Variants in NCOA1 observed in about 807,000 individuals in gnomAD.
NCOA1 encodes the protein Hin-2 protein.
NCOA1 carries 35 observed loss-of-function variants against 150.9 expected under a neutral mutation model. That is an observed-to-expected ratio of 0.23 (90% CI 0.18 to 0.31). The LOEUF (loss-of-function observed/expected upper bound fraction) is 0.31, where lower values mean the gene tolerates loss of function less well. NCOA1 is among the 10% of genes least tolerant of loss of function. NCOA1 has a pLI of 1.00. For missense variants in NCOA1, 1,491 were observed against 1,749.3 expected (o/e 0.85, Z 2.63); for synonymous variants, 590 against 630.0 (o/e 0.94, Z 0.95).
At chr2:24,527,572 A>G (rs968305055) in intron 1 of NCOA1, among the ~76,000 whole-genome samples, 1 of 152,284 alleles carries the variant, frequency 6.6e-6, no homozygotes, top group East Asian at 1.9e-4. Context: ...TGATTAATGG[A>G]CGACTAGTTT....
rs763384268 is a variant in NCOA1, at chr2:24,729,576, C to T, written c.2962C>T (p.Pro988Ser). ...ATPPLIMEER[P>S]NLYSQPYSSP... ...GCCACCTTTGATCATGGAAGAAAGA[C>T]CCAACCTTTATTCCCAGCCTTACTC... Residue 988 changes from proline to serine, a missense_variant, in exon 17 of 23, where the codon CCC becomes TCC. Transcript: ENST00000348332. 5.6e-6 allele frequency: 9 copies of T among 1,614,002 alleles called. No homozygotes were observed. Among genetic ancestry groups the T allele is most frequent in the Non-Finnish European group, 7.6e-6 (9 of 1,179,950 alleles).
chr2:24,588,984 C>T (rs1667530855), intron 3 of NCOA1, among the ~76,000 whole-genome samples: 1 of 152,178 alleles, frequency 6.6e-6, no homozygotes, highest in Non-Finnish European at 1.5e-5. Context: ...TTACTCCCAT[C>T]TGGTAAACTG....
At chr2:24,705,760 T>C (rs2148591595) in intron 12 of NCOA1, among the ~76,000 whole-genome samples, 1 of 152,318 alleles carries the variant, frequency 6.6e-6, no homozygotes, top group East Asian at 1.9e-4. Flanking sequence ...TATGAATTAT[T>C]AGAAATCCTA....
At chr2:24,768,144 C>G in intron 22 of NCOA1, 77 bp from the exon 23 acceptor site, 1 of 1,613,928 alleles carries the variant, frequency 6.2e-7, no homozygotes, top group Non-Finnish European at 8.5e-7. Flanking sequence ...TAGTGAGTTT[C>G]CACTTCAAGT....
chr2:24,602,095 AC>A (rs1346236786), intron 3 of NCOA1, among the ~76,000 whole-genome samples: 1 of 152,160 alleles, frequency 6.6e-6, no homozygotes, highest in Non-Finnish European at 1.5e-5. Flanking sequence ...TTTAGGAAGA[AC>A]CCTGGAACTT....
At chr2:24,517,621 A>G (rs188021721) in intron 1 of NCOA1, among the ~76,000 whole-genome samples, 42 of 152,308 alleles carry the variant, frequency 2.8e-4, no homozygotes, top group East Asian at 1.5e-3. Flanking sequence ...GGCTCAAACA[A>G]TTAGAACTAG....
chr2:24,646,598 A>G (rs745872561), intron 4 of NCOA1, among the ~76,000 whole-genome samples: 4 of 151,816 alleles, frequency 2.6e-5, no homozygotes, highest in African/African-American at 4.8e-5. Flanking sequence ...CAGGTCAGCT[A>G]TTTTGTACAA....
At chr2:24,576,137 T>C (rs1330517076) in intron 2 of NCOA1, among the ~76,000 whole-genome samples, 4 of 146,840 alleles carry the variant, frequency 2.7e-5, no homozygotes, top group Non-Finnish European at 4.5e-5. Flanking sequence ...TTTCAGAAAT[T>C]ATTTGGCCTT....
intron 17 of NCOA1, among the ~76,000 whole-genome samples, chr2:24,737,543 C>T (rs190521891): frequency 1.5e-4 from 23 of 152,240 alleles, no homozygotes; most frequent in African/African-American, 5.5e-4. Flanking sequence ...TGTATTTTTA[C>T]CTGGCCTCAT....
At chr2:24,659,650 C>T (rs1572554477) in intron 5 of NCOA1, among the ~76,000 whole-genome samples, 1 of 152,158 alleles carries the variant, frequency 6.6e-6, no homozygotes, top group African/African-American at 2.4e-5. Context: ...CTGAGAGCAG[C>T]TTCCTAGAAT....
At chr2:24,571,474 C>G (rs1666742562) in intron 2 of NCOA1, among the ~76,000 whole-genome samples, 1 of 152,120 alleles carries the variant, frequency 6.6e-6, no homozygotes, top group African/African-American at 2.4e-5. Context: ...CCATTAGATC[C>G]TCACAAGAAT....
At chr2:24,760,310 T>G (rs975164443) in intron 21 of NCOA1, among the ~76,000 whole-genome samples, 1 of 137,474 alleles carries the variant, frequency 7.3e-6, no homozygotes, top group Non-Finnish European at 1.6e-5. Context: ...CGGCTAATTT[T>G]TTTTTTTTTT....
At chr2:24,600,785 C>T (rs1668077066) in intron 3 of NCOA1, among the ~76,000 whole-genome samples, 1 of 152,150 alleles carries the variant, frequency 6.6e-6, no homozygotes. Flanking sequence ...ACCTTATTGC[C>T]TCTTACTATT....
At chr2:24,513,728 C>A (rs987102307) in intron 1 of NCOA1, among the ~76,000 whole-genome samples, 4 of 152,174 alleles carry the variant, frequency 2.6e-5, no homozygotes. Flanking sequence ...ACATTACTGT[C>A]AGAGTGTGAG....
chr2:24,765,207 A>G (rs867384163), intron 22 of NCOA1, among the ~76,000 whole-genome samples: 1 of 151,652 alleles, frequency 6.6e-6, no homozygotes. Context: ...GAGAGAAGGC[A>G]TTTTAAGACT....
chr2:24,586,617 G>A (rs1234587775), intron 3 of NCOA1, among the ~76,000 whole-genome samples: 3 of 152,010 alleles, frequency 2.0e-5, no homozygotes, highest in African/African-American at 4.8e-5. Context: ...GCTAATTTTT[G>A]TTTTTTGTTT....
At chr2:24,538,588 A>G (rs1665262493) in intron 1 of NCOA1, among the ~76,000 whole-genome samples, 1 of 152,218 alleles carries the variant, frequency 6.6e-6, no homozygotes, top group South Asian at 2.1e-4. Flanking sequence ...CAGCTTAAAA[A>G]GTCTATGACT....
chr2:24,701,366 T>C (rs1287258854), intron 11 of NCOA1, among the ~76,000 whole-genome samples: 1 of 151,746 alleles, frequency 6.6e-6, no homozygotes, highest in East Asian at 1.9e-4. Flanking sequence ...AAAAATTAGC[T>C]AGGCGTGGCA....
At chr2:24,534,825 G>T (rs1474984408) in intron 1 of NCOA1, among the ~76,000 whole-genome samples, 1 of 151,946 alleles carries the variant, frequency 6.6e-6, no homozygotes, top group African/African-American at 2.4e-5. Context: ...AGTTTGTTGT[G>T]ATTTCTGTTC....
Sources: gnomAD v4.1 joint callset for allele counts (sites outside exome capture counted in the v4.1 genomes callset) on GRCh38, gnomAD v4.1.1 for gene constraint, MANE v1.5 for transcripts, NCBI Gene and HGNC (gene_info 2026-07-23, HGNC 2026-07-21) for gene names.